CCDC90B: variants seen among roughly 807,000 people sequenced by gnomAD.
CCDC90B encodes the protein coiled-coil domain containing 90B, also known as coiled-coil domain-containing protein 90B, mitochondrial.
CCDC90B carries 24 observed loss-of-function variants against 37.0 expected under a neutral mutation model. The observed-to-expected ratio is 0.65, with a 90% CI of 0.47 to 0.91. The LOEUF (loss-of-function observed/expected upper bound fraction) is 0.91, where lower values mean the gene tolerates loss of function less well. Among genes scored for constraint, CCDC90B ranks in the 40% least tolerant of loss-of-function variants. CCDC90B has a pLI of 0.00. For missense variants in CCDC90B, 319 were observed against 299.0 expected (o/e 1.07, Z -0.49); for synonymous variants, 113 against 101.1 (o/e 1.12, Z -0.71).
At chr11:83,275,239 C>G (rs1354259266) in intron 3 of CCDC90B, among the ~76,000 whole-genome samples, 4 of 152,148 alleles carry the variant, frequency 2.6e-5, no homozygotes, top group Non-Finnish European at 5.9e-5. Flanking sequence ...GGTATCCTCC[C>G]TATTATTTGG....
chr11:83,285,809 G>T (rs1403699629), intron 1 of CCDC90B, 64 bp downstream of exon 1: 2 of 1,539,194 alleles, frequency 1.3e-6, no homozygotes, highest in South Asian at 1.2e-5. Context: ...GAGCAGGCGC[G>T]ACCCCACGGG....
intron 1 of CCDC90B, 116 bp downstream of exon 1, chr11:83,285,757 A>G (rs1205957420): frequency 6.8e-7 from 1 of 1,471,654 alleles, no homozygotes; most frequent in Non-Finnish European, 9.0e-7. Flanking sequence ...ACAAGGCGTG[A>G]ATCCGGGAGG....
intron 7 of CCDC90B, among the ~76,000 whole-genome samples, chr11:83,268,894 C>CACAAATGTAAA (rs1202876000): frequency 1.3e-5 from 2 of 152,168 alleles, no homozygotes; most frequent in African/African-American, 4.8e-5. Context: ...TGTAAAAGAA[C>CACAAATGTAAA]AGAAATCACA....
At position 83,285,965 on chromosome 11, in the gene CCDC90B, C is replaced by T. The variant is rs370146161; in HGVS notation, c.8G>A (p.Ser3Asn). ...GAGAAAGAGCCGCCAAGCCTGGCGA[C>T]TATTCATGTCCTCAGAGTTTTCCGG... MN[S>N]RQAWRLFLSQ... The change falls in exon 1 of 9, where the codon AGT (serine) becomes AAT (asparagine). Residue 3 changes from serine to asparagine, a missense_variant. Physicochemically the swap from Ser to Asn is conservative, Grantham distance 46. Transcript: ENST00000529689. 8.1e-6 allele frequency: 13 copies of T among 1,610,858 alleles called. No individual in the cohort carries two copies. In the South Asian group the frequency reaches 1.2e-4, roughly 15 times the overall value.
chr11:83,271,914 A>G (rs980202592), intron 7 of CCDC90B, among the ~76,000 whole-genome samples: 11 of 152,214 alleles, frequency 7.2e-5, no homozygotes, highest in Non-Finnish European at 1.2e-4. Context: ...GCACATATAC[A>G]CCACGGAATA....
chr11:83,285,778 A>C, intron 1 of CCDC90B, 95 bp downstream of exon 1: 1 of 1,495,034 alleles, frequency 6.7e-7, no homozygotes, highest in Non-Finnish European at 8.9e-7. Context: ...AGGGCGTGGC[A>C]CCTTCTCTTC....
chr11:83,274,112 G>T, intron 4 of CCDC90B, 120 bp from the exon 5 acceptor site: 1 of 618,626 alleles, frequency 1.6e-6, no homozygotes, highest in Non-Finnish European at 2.3e-6. Context: ...ATACAGAATT[G>T]ATAAGGAAAA....
chr11:83,282,026 TG>T (rs59823898), intron 1 of CCDC90B, among the ~76,000 whole-genome samples: 40,081 of 152,106 alleles, frequency 0.26, 5,455 homozygotes, highest in Middle Eastern at 0.41. Context: ...ACCTCAAGCT[TG>T]TCGAGAACAC....
intron 2 of CCDC90B, among the ~76,000 whole-genome samples, chr11:83,279,102 T>A (rs1486852398): frequency 6.6e-6 from 1 of 152,000 alleles, no homozygotes; most frequent in Non-Finnish European, 1.5e-5. Flanking sequence ...GCTAACACGG[T>A]GAAACCCCAT....
Position 83,265,948 on chromosome 11 carries a change from G to A in CCDC90B, c.626C>T (p.Thr209Ile), listed in dbSNP as rs1358165839. 1 of 1,608,794 alleles carries A rather than the reference G, an allele frequency of 6.2e-7. No homozygotes were observed. The highest frequency in any genetic ancestry group is 1.3e-5 in the African/African-American group (1 of 74,890). ...DTQTKSIISE[T>I]SNKIDAEIAS... Reference sequence around the variant, plus strand: ...AATTTCAGCGTCAATTTTATTACTGGTCTCTGAAATAATACTTTTGGTTTG... The same window carrying A: ...AATTTCAGCGTCAATTTTATTACTGATCTCTGAAATAATACTTTTGGTTTG... Residue 209 changes from threonine to isoleucine, a missense_variant, in exon 8 of 9, where the codon ACC (threonine) becomes ATC (isoleucine). By Grantham distance (89) the Thr-to-Ile change is moderately conservative. Transcript: ENST00000529689.
At position 83,261,976 on chromosome 11, in the gene CCDC90B, G is replaced by A. The variant is rs1476151218; in HGVS notation, c.710-10C>T. Reference sequence around the variant, plus strand: ...CAAGTAAACACCGAAGCTGTGAAAAGAAGAAACTGTGTTATAGGTCTTGTA... The same window carrying A: ...CAAGTAAACACCGAAGCTGTGAAAAAAAGAAACTGTGTTATAGGTCTTGTA... On this transcript the variant is annotated splice_polypyrimidine_tract_variant and intron_variant, in intron 8 of 8. Coordinates refer to ENST00000529689, the MANE Select transcript of CCDC90B (RefSeq NM_021825.5). 6.3e-7 allele frequency: 1 copy of A among 1,575,670 alleles called. No individual in the cohort carries two copies. The highest frequency in any genetic ancestry group is 1.4e-5 in the African/African-American group (1 of 73,084).
At chr11:83,276,086 T>A (rs894958601) in intron 3 of CCDC90B, among the ~76,000 whole-genome samples, 5 of 152,154 alleles carry the variant, frequency 3.3e-5, no homozygotes, top group African/African-American at 1.2e-4. Context: ...CATTGCTGAC[T>A]CATGCCTTTT....
chr11:83,259,207 T>C lies in CCDC90B; in HGVS notation c.*2704A>G, dbSNP rs1213094712. 6.6e-6 allele frequency: 1 copy of C among 152,192 alleles called. No individual in the cohort carries two copies. Among genetic ancestry groups the C allele is most frequent in the African/African-American group, 2.4e-5 (1 of 41,436 alleles). 9.4% of individuals were successfully genotyped at this position (152,192 alleles called of 1,614,324 possible). ...GGAAAAAGATACGTATAATTGCTGT[T>C]TCATAGTGAAGTGCAAGTGCTGGAA... On this transcript the variant is annotated 3_prime_UTR_variant, in exon 9 of 9. Transcript: ENST00000529689.
At chr11:83,278,683 T>C in intron 3 of CCDC90B, 43 bp downstream of exon 3, 5 of 1,245,200 alleles carry the variant, frequency 4.0e-6, no homozygotes, top group Non-Finnish European at 5.9e-6. Context: ...ATGAAATGAT[T>C]GTCTAATGAA....
rs1427960152 is a variant in CCDC90B, at chr11:83,264,956, T to G, written c.709+909A>C. Among the ~76,000 whole-genome samples, 12 of 96,772 alleles carry G rather than the reference T, an allele frequency of 1.2e-4. No individual in the cohort carries two copies. In the East Asian group the frequency reaches 4.1e-3, roughly 33 times the overall value. The allele number at this position is 96,772 out of a possible 152,430, so 63.5% of individuals were successfully genotyped here. A position where few individuals can be genotyped will look rare whatever the true frequency, so the allele number is the denominator to read the frequency against. ...GGGAACATCACGCTCTGGGGACTGT[T>G]GTGGGGTGGGGGGAGGGGGGAGGGA... On this transcript the variant is annotated intron_variant, in intron 8 of 8. Coordinates refer to ENST00000529689, the MANE Select transcript of CCDC90B (RefSeq NM_021825.5).
At position 83,273,691 on chromosome 11, in the gene CCDC90B, G is replaced by T; in HGVS notation, c.550C>A (p.Gln184Lys). The T allele has an allele frequency of 6.2e-7, 1 of 1,601,468 alleles. No homozygotes were observed. The highest frequency in any genetic ancestry group is 8.5e-7 in the Non-Finnish European group (1 of 1,176,204). Residue 184 changes from glutamine to lysine, a missense_variant, in exon 7 of 9, where the codon CAA (glutamine) becomes AAA (lysine). By Grantham distance (53) the Gln-to-Lys change is moderately conservative. Coordinates refer to ENST00000529689, the MANE Select transcript of CCDC90B (RefSeq NM_021825.5). ...GTTGTTTCCATAAGTTGCTTTTCTT[G>T]ATCTGTAAACTATAGGATATGAAGC... is the stretch of plus-strand genomic sequence containing the variant. ...RSRVTDMFTD[Q>K]EKQLMETTTE...
Position 83,260,010 on chromosome 11 carries a change from A to C in CCDC90B, c.*1901T>G, listed in dbSNP as rs891900061. 4 of 152,280 alleles carry C rather than the reference A, an allele frequency of 2.6e-5. No individual in the cohort carries two copies. Among genetic ancestry groups the C allele is most frequent in the African/African-American group, 9.6e-5 (4 of 41,460 alleles). The allele number at this position is 152,280 out of a possible 1,614,324, so 9.4% of individuals were successfully genotyped here. A position where few individuals can be genotyped will look rare whatever the true frequency, so the allele number is the denominator to read the frequency against. On this transcript the variant is annotated 3_prime_UTR_variant, in exon 9 of 9. Transcript: ENST00000529689. Reference sequence around the variant, plus strand: ...CTCTTCAGATGGGCTGGTCCCAAACAGGAGTGGGGAGGAAGTGGGCTAATT... The same window carrying C: ...CTCTTCAGATGGGCTGGTCCCAAACCGGAGTGGGGAGGAAGTGGGCTAATT...
rs979665735 is a variant in CCDC90B, at chr11:83,286,046, T to C, written c.-74A>G. 5.8e-6 allele frequency: 9 copies of C among 1,549,938 alleles called. No individual in the cohort carries two copies. The African/African-American group carries it at 1.2e-4, about 21-fold the overall frequency. ...CGCACAGGCTTTCGGGCAAGGTAGT[T>C]CTGGCACCACAGGAATGCTGGGAAT... is the stretch of plus-strand genomic sequence containing the variant. On this transcript the variant is annotated 5_prime_UTR_variant, in exon 1 of 9. Coordinates refer to ENST00000529689, the MANE Select transcript of CCDC90B (RefSeq NM_021825.5).
At chr11:83,280,362 G>A in intron 1 of CCDC90B, 102 bp from the exon 2 acceptor site, 1 of 1,049,002 alleles carries the variant, frequency 9.5e-7, no homozygotes, top group Non-Finnish European at 1.4e-6. Context: ...TATAGTTCCA[G>A]CTCTTCTAGT....
Sources: allele counts gnomAD v4.1 joint callset (sites outside exome capture counted in the v4.1 genomes callset), GRCh38; gene constraint gnomAD v4.1.1; transcripts MANE v1.5; gene names NCBI Gene and HGNC (gene_info 2026-07-23, HGNC 2026-07-21).